Variants in SULT1E1 observed in about 807,000 individuals in gnomAD.
SULT1E1 encodes the protein sulfotransferase 1E1.
A neutral mutation model predicts 33.6 loss-of-function variants in SULT1E1; 36 were observed. The observed-to-expected ratio is 1.07, with a 90% CI of 0.82 to 1.41. The LOEUF (loss-of-function observed/expected upper bound fraction) is 1.41. Ranked by LOEUF, SULT1E1 falls within the 40% of genes most tolerant of loss-of-function variation. The pLI is 0.00. For missense variants in SULT1E1, 371 were observed against 345.7 expected (o/e 1.07, Z -0.58); for synonymous variants, 121 against 111.7 (o/e 1.08, Z -0.53).
the SULT1E1 span, among the ~76,000 whole-genome samples, chr4:69,824,431 C>G: frequency 6.6e-6 from 1 of 152,168 alleles, no homozygotes; most frequent in Non-Finnish European, 1.5e-5. Flanking sequence ...CCTTTGATTT[C>G]TTTAAAGGCC....
At chr4:69,836,001 T>C in the SULT1E1 span, among the ~76,000 whole-genome samples, 3 of 152,212 alleles carry the variant, frequency 2.0e-5, no homozygotes, top group African/African-American at 7.2e-5. Flanking sequence ...ATCATTGTCA[T>C]TGTTAAAATT....
intron 6 of SULT1E1, among the ~76,000 whole-genome samples, chr4:69,846,486 A>T (rs1252174930): frequency 2.6e-5 from 4 of 151,272 alleles, no homozygotes; most frequent in Non-Finnish European, 5.9e-5. Flanking sequence ...TCTAATTGTA[A>T]TACAATAAAA....
intron 2 of SULT1E1, among the ~76,000 whole-genome samples, chr4:69,857,127 C>T (rs527746641): frequency 2.6e-4 from 39 of 152,036 alleles, no homozygotes; most frequent in Non-Finnish European, 5.0e-4. Context: ...ACTTAAAGGG[C>T]TGGTGAGCTG....
At chr4:69,839,044 G>A (rs183704196), downstream of SULT1E1, among the ~76,000 whole-genome samples, 174 of 152,134 alleles carry the variant, frequency 1.1e-3, 1 homozygote, top group Admixed American at 0.01. Flanking sequence ...TCATTTATTC[G>A]TTGCTCAAGT....
intron 4 of SULT1E1, among the ~76,000 whole-genome samples, chr4:69,853,225 GA>G (rs1721162283): frequency 6.6e-6 from 1 of 152,120 alleles, no homozygotes; most frequent in Non-Finnish European, 1.5e-5. Flanking sequence ...AGGTCTTGAA[GA>G]ACAGAATTGG....
chr4:69,846,828 A>G (rs1720986872), intron 6 of SULT1E1, among the ~76,000 whole-genome samples: 1 of 151,662 alleles, frequency 6.6e-6, no homozygotes, highest in Non-Finnish European at 1.5e-5. Flanking sequence ...GGTATCTCAT[A>G]GTGATTTTTA....
chr4:69,844,255 A>C lies in SULT1E1; in HGVS notation c.678T>G (p.Thr226=), dbSNP rs1464106345. 6.2e-7 allele frequency: 1 copy of C among 1,613,912 alleles called. No homozygotes were observed. Among genetic ancestry groups the C allele is most frequent in the Non-Finnish European group, 8.5e-7 (1 of 1,179,832 alleles). ...EELVDRIIHH[T]SFQEMKNNPS... The stretch of plus-strand genomic sequence containing the variant: ...GATTGTTCTTCATCTCTTGGAACGA[A>C]GTATGATGTATAATCCTGTCCACAA... Residue 226 remains threonine (T), a synonymous_variant, in exon 7 of 8, where the codon ACT becomes ACG. Transcript: ENST00000226444.
chr4:69,832,144 C>T, the SULT1E1 span, among the ~76,000 whole-genome samples: 3 of 152,214 alleles, frequency 2.0e-5, no homozygotes, highest in Admixed American at 6.5e-5. Flanking sequence ...CAAAACCTTA[C>T]CACAGTTCAG....
intron 2 of SULT1E1, 62 bp from the exon 3 acceptor site, chr4:69,855,488 T>A (rs1324483193): frequency 2.0e-6 from 3 of 1,506,994 alleles, no homozygotes; most frequent in Non-Finnish European, 2.7e-6. Flanking sequence ...ACATTAGTGC[T>A]GCATTTATGG....
chr4:69,857,393 T>C, intron 2 of SULT1E1, 107 bp downstream of exon 2: 1 of 1,369,752 alleles, frequency 7.3e-7, no homozygotes, highest in Non-Finnish European at 9.8e-7. Context: ...CTACCGCATC[T>C]GTTCTTAATA....
In SULT1E1 at chr4:69,854,078, T is replaced by A. The variant is rs35942703; in HGVS notation, c.369+139A>T. On this transcript the variant is annotated intron_variant, in intron 4 of 7. Coordinates refer to ENST00000226444, the MANE Select transcript of SULT1E1 (RefSeq NM_005420.3). Reference sequence around the variant, plus strand: ...TTAAAATATAGACTCTCTGACAATATTGACTGTATTTATTCCACATTTGTT... The same window carrying A: ...TTAAAATATAGACTCTCTGACAATAATGACTGTATTTATTCCACATTTGTT... The A allele has an allele frequency of 2.1e-3, 1,063 of 518,424 alleles. 8 individuals carry two copies. The highest frequency in any genetic ancestry group is 0.019 in the African/African-American group (982 of 51,882). The allele number at this position is 518,424 out of a possible 1,614,324, so 32.1% of individuals were successfully genotyped here. A position where few individuals can be genotyped will look rare whatever the true frequency, so the allele number is the denominator to read the frequency against.
Position 69,849,420 on chromosome 4 carries a change from AAAG to A in SULT1E1, c.496+14_496+16del. The A allele has an allele frequency of 6.2e-7, 1 of 1,607,736 alleles. No individual in the cohort carries two copies. The highest frequency in any genetic ancestry group is 8.5e-7 in the Non-Finnish European group (1 of 1,176,486). On this transcript the variant is annotated intron_variant, in intron 5 of 7. Transcript: ENST00000226444. Reference sequence around the variant, plus strand: ...AAAACCTTGAAAAAAAATTCAGTGTAAAGAAGCTGTTCCTACCCTGTCCTTGCA... The same window carrying A: ...AAAACCTTGAAAAAAAATTCAGTGTAAAGCTGTTCCTACCCTGTCCTTGCA...
the SULT1E1 span, among the ~76,000 whole-genome samples, chr4:69,822,333 T>C: frequency 6.6e-6 from 1 of 152,108 alleles, no homozygotes; most frequent in Non-Finnish European, 1.5e-5. Context: ...AAAGGAGACA[T>C]TGGTGGCTCA....
chr4:69,838,032 C>T (rs895287361), downstream of SULT1E1, among the ~76,000 whole-genome samples: 4 of 152,112 alleles, frequency 2.6e-5, no homozygotes, highest in Admixed American at 6.5e-5. Context: ...GAGGAAATGG[C>T]CATTCCTTCT....
At chr4:69,844,072 A>G (rs1272536385) in intron 7 of SULT1E1, 89 bp downstream of exon 7, 1 of 1,182,860 alleles carries the variant, frequency 8.5e-7, no homozygotes, top group Non-Finnish European at 1.3e-6. Flanking sequence ...CTGGGTTCAT[A>G]GGCATTAAAA....
At chr4:69,823,534 T>C in the SULT1E1 span, among the ~76,000 whole-genome samples, 1 of 152,144 alleles carries the variant, frequency 6.6e-6, no homozygotes, top group Admixed American at 6.5e-5. Context: ...TAGCCTCTAA[T>C]GTTCCTGCCC....
At chr4:69,851,416 A>G (rs1197376478) in intron 4 of SULT1E1, among the ~76,000 whole-genome samples, 1 of 152,218 alleles carries the variant, frequency 6.6e-6, no homozygotes, top group Non-Finnish European at 1.5e-5. Context: ...AATCAAAACC[A>G]TAATGAGATA....
chr4:69,837,061 T>C (rs555762211), downstream of SULT1E1, among the ~76,000 whole-genome samples: 2 of 141,936 alleles, frequency 1.4e-5, no homozygotes, highest in African/African-American at 5.1e-5. Flanking sequence ...GTAGCCTGCA[T>C]GACAGAGCGA....
the SULT1E1 span, among the ~76,000 whole-genome samples, chr4:69,832,866 AG>A: frequency 2.6e-5 from 4 of 152,140 alleles, no homozygotes; most frequent in Admixed American, 1.3e-4. Flanking sequence ...ATGGGATTCG[AG>A]GGGGAAGTTT....
Sources: allele counts gnomAD v4.1 joint callset (sites outside exome capture counted in the v4.1 genomes callset), GRCh38; gene constraint gnomAD v4.1.1; transcripts MANE v1.5; gene names NCBI Gene and HGNC (gene_info 2026-07-23, HGNC 2026-07-21).